The following RPH3AL variants were observed in gnomAD, a reference collection of about 807,000 sequenced individuals.
The protein encoded by RPH3AL is rabphilin 3A like (without C2 domains).
In RPH3AL, 38 loss-of-function variants were observed where a neutral mutation model predicts 43.1. The ratio of observed to expected loss-of-function variants is 0.88; its 90% CI spans 0.68 to 1.15. RPH3AL has a LOEUF of 1.15. Among genes scored for constraint, RPH3AL ranks in the 50% most tolerant of loss-of-function variants. The pLI, the probability that RPH3AL is intolerant of heterozygous loss-of-function variation, is 0.00. For missense variants in RPH3AL, 462 were observed against 423.2 expected, an observed-to-expected ratio of 1.09 and a Z score of -0.81; for synonymous variants, 189 against 176.3, an observed-to-expected ratio of 1.07 and a Z score of -0.57.
At chr17:299,941 T>C (rs563691537) in intron 5 of RPH3AL, among the ~76,000 whole-genome samples, 2 of 152,354 alleles carry the variant, frequency 1.3e-5, no homozygotes, top group African/African-American at 2.4e-5. Flanking sequence ...CCCTGACCAG[T>C]GTCCCAGGTA....
intron 6 of RPH3AL, among the ~76,000 whole-genome samples, chr17:258,907 C>T (rs1402997581): frequency 6.6e-6 from 1 of 151,982 alleles, no homozygotes; most frequent in African/African-American, 2.4e-5. Flanking sequence ...ACCACAGCAA[C>T]ACGCCACCAT....
chr17:329,488 A>AGAT (rs2151711781), intron 2 of RPH3AL, among the ~76,000 whole-genome samples: 1 of 152,354 alleles, frequency 6.6e-6, no homozygotes, highest in South Asian at 2.1e-4. Flanking sequence ...AAAAATATAT[A>AGAT]GATATACATA....
At chr17:216,825 G>A (rs2040814434) in intron 8 of RPH3AL, among the ~76,000 whole-genome samples, 1 of 152,160 alleles carries the variant, frequency 6.6e-6, no homozygotes, top group African/African-American at 2.4e-5. Flanking sequence ...TCTGTGGAAA[G>A]AGTATCATGA....
intron 5 of RPH3AL, among the ~76,000 whole-genome samples, chr17:314,341 C>G (rs1038956049): frequency 5.3e-5 from 8 of 152,160 alleles, no homozygotes; most frequent in African/African-American, 1.9e-4. Context: ...ACACTGCCAG[C>G]TCCCGTTCTC....
At chr17:233,526 G>A (rs73971665) in intron 7 of RPH3AL, among the ~76,000 whole-genome samples, 5,577 of 152,232 alleles carry the variant, frequency 0.037, 238 homozygotes, top group African/African-American at 0.099. Flanking sequence ...GGGTCAAGGG[G>A]TCAGGGTTAG....
intron 5 of RPH3AL, among the ~76,000 whole-genome samples, chr17:299,768 C>T (rs937248413): frequency 7.2e-5 from 11 of 152,220 alleles, no homozygotes; most frequent in African/African-American, 1.2e-4. Flanking sequence ...CAACAGAGGA[C>T]GAGAGGCTGC....
chr17:319,650 C>G, intron 4 of RPH3AL, 101 bp from the exon 5 acceptor site: 2 of 1,424,212 alleles, frequency 1.4e-6, no homozygotes, highest in Non-Finnish European at 1.9e-6. Flanking sequence ...TGTCCCCTCA[C>G]CTGGGATATT....
intron 7 of RPH3AL, among the ~76,000 whole-genome samples, chr17:239,992 C>A (rs367611277): frequency 2.0e-5 from 3 of 152,284 alleles, no homozygotes; most frequent in East Asian, 3.9e-4. Context: ...AATCCTAGCA[C>A]TTTGGGAGGC....
At chr17:269,875 C>A (rs1233410480) in intron 6 of RPH3AL, among the ~76,000 whole-genome samples, 4 of 152,170 alleles carry the variant, frequency 2.6e-5, no homozygotes, top group South Asian at 4.1e-4. Flanking sequence ...CAGGTAGACG[C>A]CCCAGGCAAG....
At chr17:265,927 A>G (rs2042309092) in intron 6 of RPH3AL, among the ~76,000 whole-genome samples, 2 of 152,188 alleles carry the variant, frequency 1.3e-5, no homozygotes. Flanking sequence ...CCACAGGGTG[A>G]GTCTCCGCTC....
intron 6 of RPH3AL, among the ~76,000 whole-genome samples, chr17:265,630 G>A (rs1555547743): frequency 2.0e-5 from 3 of 152,018 alleles, no homozygotes; most frequent in Admixed American, 1.3e-4. Context: ...CTTTCAGTAG[G>A]AATTAAGTTT....
chr17:251,976 C>CT (rs56752848), intron 6 of RPH3AL, among the ~76,000 whole-genome samples: 8 of 134,738 alleles, frequency 5.9e-5, no homozygotes, highest in Non-Finnish European at 8.0e-5. Context: ...TTTTTTTTTA[C>CT]TTTTTTTTTT....
intron 6 of RPH3AL, among the ~76,000 whole-genome samples, chr17:259,504 T>C (rs1294231978): frequency 1.3e-5 from 2 of 151,320 alleles, no homozygotes; most frequent in East Asian, 1.9e-4. Context: ...CATCTACCCC[T>C]CCCCGCCCAG....
chr17:284,832 G>A (rs1413760555), intron 5 of RPH3AL, among the ~76,000 whole-genome samples: 8 of 152,202 alleles, frequency 5.3e-5, no homozygotes, highest in South Asian at 4.1e-4. Flanking sequence ...GAGGCCTGAC[G>A]GCCCCGGTCG....
At position 274,316 on chromosome 17, in the gene RPH3AL, C is replaced by T. The variant is rs371108342; in HGVS notation, c.438+7452G>A. ...GAGACGGGAGGCGTGCCATGGACCA[C>T]CTGGGCCTCGCCTGCCCACCTGGGC... is the stretch of plus-strand genomic sequence containing the variant. On this transcript the variant is annotated intron_variant, in intron 6 of 9. Coordinates refer to ENST00000331302, the MANE Select transcript of RPH3AL (RefSeq NM_006987.4). This position sits in a 1 kb window ranked among gnomAD's most constrained non-coding sequence, Gnocchi z 4.7. 6.6e-6 allele frequency among the ~76,000 whole-genome samples: 1 copy of T among 152,166 alleles called. No individual in the cohort carries two copies. Among genetic ancestry groups the T allele is most frequent in the East Asian group, 1.9e-4 (1 of 5,196 alleles).
chr17:316,332 C>T (rs1421526696), intron 5 of RPH3AL, among the ~76,000 whole-genome samples: 2 of 151,278 alleles, frequency 1.3e-5, no homozygotes, highest in African/African-American at 4.9e-5. Flanking sequence ...TGTGCTCCAC[C>T]TCCACTGACC....
At chr17:342,219 C>T (rs1051627238) in intron 1 of RPH3AL, among the ~76,000 whole-genome samples, 1 of 152,150 alleles carries the variant, frequency 6.6e-6, no homozygotes, top group African/African-American at 2.4e-5. Context: ...AACAAGTGTT[C>T]GTGAGGATGT....
chr17:245,578 C>T lies in RPH3AL; in HGVS notation c.613+1533G>A, dbSNP rs1258832150. ...CCCCATAGGCCTTCAGCCTCTCCGG[C>T]TCAACTGGCTCCAAGCAGCATTTTA... On this transcript the variant is annotated intron_variant, in intron 7 of 9. Transcript: ENST00000331302. This position sits in a 1 kb window ranked among gnomAD's most constrained non-coding sequence, Gnocchi z 5.9. Among the ~76,000 whole-genome samples, 3 of 152,124 alleles carry T rather than the reference C, an allele frequency of 2.0e-5. No individual in the cohort carries two copies. Among genetic ancestry groups the T allele is most frequent in the Non-Finnish European group, 2.9e-5 (2 of 68,018 alleles).
Position 215,658 on chromosome 17 carries a change from G to T in RPH3AL, c.872C>A (p.Ala291Asp), listed in dbSNP as rs2040779647. The T allele has an allele frequency of 1.6e-6, 2 of 1,279,468 alleles. No homozygotes were observed. Among genetic ancestry groups the T allele is most frequent in the South Asian group, 3.2e-5 (1 of 30,942 alleles). 79.3% of individuals were successfully genotyped at this position (1,279,468 alleles called of 1,614,324 possible). A position where few individuals can be genotyped will look rare whatever the true frequency, so the allele number is the denominator to read the frequency against. ...AGGCAGCAGTTGGGTACTCACCGGG[G>T]CCCTTCGGGTCAGCCCGGGGCGGGG... ...GGPRPGLTRR[A>D]PVKDTPGRAP... is the part of the protein sequence containing the mutation. The change falls in exon 9 of 10, where the codon GCC (alanine) becomes GAC (aspartate). Residue 291 changes from alanine (A) to aspartate (D), a missense_variant. Coordinates refer to ENST00000331302, the MANE Select transcript of RPH3AL (RefSeq NM_006987.4). The surrounding 1 kb of genome is among the most constrained non-coding windows in gnomAD (Gnocchi z 4.1).
Sources: gnomAD v4.1 joint callset for allele counts (sites outside exome capture counted in the v4.1 genomes callset) on GRCh38, gnomAD v4.1.1 for gene constraint, Gnocchi (gnomAD v3.1) non-coding constraint, MANE v1.5 for transcripts, NCBI Gene and HGNC (gene_info 2026-07-23, HGNC 2026-07-21) for gene names.